The following SCAMP2 variants were observed in gnomAD, a reference collection of about 807,000 sequenced individuals.
The protein encoded by SCAMP2 is secretory carrier-associated membrane protein 2.
Under a neutral mutation model 44.1 loss-of-function variants are expected in SCAMP2, and 25 were observed. That is an observed-to-expected ratio of 0.57 (90% CI 0.41 to 0.79). The LOEUF is 0.79. SCAMP2 is among the 30% of genes least tolerant of loss of function. The probability of loss-of-function intolerance (pLI) is 0.00; values close to 1 mark genes in which losing one functional copy is unlikely to be tolerated. For synonymous variants in SCAMP2, 156 were observed against 166.0 expected, an observed-to-expected ratio of 0.94 and a Z score of 0.46; for missense variants, 355 against 411.0, an observed-to-expected ratio of 0.86 and a Z score of 1.18.
intron 1 of SCAMP2, among the ~76,000 whole-genome samples, chr15:74,854,964 T>C (rs989925335): frequency 4.7e-5 from 7 of 147,498 alleles, no homozygotes; most frequent in Non-Finnish European, 1.0e-4. Flanking sequence ...TATTTACCTC[T>C]AGGGAGTGGG....
intron 2 of SCAMP2, 112 bp downstream of exon 2, chr15:74,854,469 A>G (rs2064455276): frequency 2.2e-6 from 2 of 899,664 alleles, no homozygotes; most frequent in South Asian, 2.8e-5. Context: ...TGTCCCTTTG[A>G]GGACTGCCGC....
intron 1 of SCAMP2, among the ~76,000 whole-genome samples, chr15:74,861,700 C>T (rs1278425616): frequency 6.6e-6 from 1 of 151,752 alleles, no homozygotes; most frequent in African/African-American, 2.4e-5. Flanking sequence ...AGATCGAGAC[C>T]ATCCTGGCTA....
At chr15:74,849,404 C>T (rs1290352132) in intron 6 of SCAMP2, among the ~76,000 whole-genome samples, 3 of 151,870 alleles carry the variant, frequency 2.0e-5, no homozygotes, top group Non-Finnish European at 4.4e-5. Flanking sequence ...GCCGAGACTG[C>T]GCCATTGCAC....
At chr15:74,853,371 C>A (rs117037183) in intron 3 of SCAMP2, 1 of 456,040 alleles carries the variant, frequency 2.2e-6, no homozygotes, top group Non-Finnish European at 4.4e-6. Flanking sequence ...GGCCTACCTT[C>A]GGAAGCTTTC....
In SCAMP2 at chr15:74,852,135, C is replaced by T. The variant is rs778095048; in HGVS notation, c.277G>A (p.Asp93Asn). Residue 93 changes from aspartate to asparagine, a missense_variant, in exon 4 of 9, where the codon GAC becomes AAC. Asp to Asn is a conservative substitution (Grantham distance 23). Coordinates refer to ENST00000268099, the MANE Select transcript of SCAMP2 (RefSeq NM_005697.5). ...CGTTCCAGCTCGGCAGCTTTCCTGTCCAGTTCTTCCTGCTGCCGGAGCAGG... is the reference window on the plus strand; with the variant it reads ...CGTTCCAGCTCGGCAGCTTTCCTGTTCAGTTCTTCCTGCTGCCGGAGCAGG... ...AGLLRQQEELDRKAAELERKE... is the reference protein window; with the variant it reads ...AGLLRQQEELNRKAAELERKE... The T allele has an allele frequency of 1.5e-5, 24 of 1,589,090 alleles. No homozygotes were observed. The Admixed American group carries it at 4.0e-4, about 27-fold the overall frequency.
At chr15:74,848,749 C>A in intron 6 of SCAMP2, 48 bp from the exon 7 acceptor site, 2 of 1,342,828 alleles carry the variant, frequency 1.5e-6, no homozygotes, top group South Asian at 1.2e-5. Context: ...GGGCTGTGTT[C>A]CTCAGCATCC....
intron 3 of SCAMP2, 35 bp from the exon 4 acceptor site, chr15:74,852,221 A>T (rs546899974): frequency 7.1e-6 from 10 of 1,399,362 alleles, no homozygotes; most frequent in Admixed American, 5.2e-5. Context: ...GGACAGCCAG[A>T]CACAACAAAC....
At chr15:74,853,485 T>G (rs1195316522) in intron 3 of SCAMP2, 1 of 456,270 alleles carries the variant, frequency 2.2e-6, no homozygotes, top group East Asian at 6.9e-5. Flanking sequence ...TGCTGGCCTG[T>G]CTAAGCAGGA....
chr15:74,864,573 G>A (rs992658760), intron 1 of SCAMP2, among the ~76,000 whole-genome samples: 4 of 152,170 alleles, frequency 2.6e-5, no homozygotes, highest in Admixed American at 6.6e-5. Context: ...CAGCAGTGAA[G>A]GGAGTGCAAC....
At chr15:74,856,582 C>CTT (rs561034044) in intron 1 of SCAMP2, among the ~76,000 whole-genome samples, 2 of 138,104 alleles carry the variant, frequency 1.4e-5, no homozygotes, top group Admixed American at 1.4e-4. Flanking sequence ...GCCTCCAGTT[C>CTT]TTTTTTTTTT....
At chr15:74,847,194 T>C (rs1172329808) in intron 7 of SCAMP2, among the ~76,000 whole-genome samples, 2 of 145,854 alleles carry the variant, frequency 1.4e-5, no homozygotes, top group African/African-American at 5.0e-5. Flanking sequence ...CGGGTTCAAG[T>C]GATTCTTCTG....
chr15:74,873,345 C>T lies in SCAMP2; in HGVS notation c.-90G>A. ...GCGCTTCGTGTAGACCCTCCACTTC[C>T]GGGAGCGAGGCAGCGGTTCTGGCGC... On this transcript the variant is annotated 5_prime_UTR_variant, in exon 1 of 9. Transcript: ENST00000268099. The T allele has an allele frequency of 8.8e-7, 1 of 1,141,788 alleles. No homozygotes were observed. Among genetic ancestry groups the T allele is most frequent in the Non-Finnish European group, 1.2e-6 (1 of 869,066 alleles). The allele number at this position is 1,141,788 out of a possible 1,614,324, so 70.7% of individuals were successfully genotyped here.
intron 3 of SCAMP2, chr15:74,853,196 T>G (rs1185308766): frequency 6.1e-6 from 2 of 330,006 alleles, no homozygotes; most frequent in Non-Finnish European, 1.2e-5. Context: ...TCCAAGTCTG[T>G]GACGCCAGCT....
At chr15:74,871,874 G>A (rs997188145) in intron 1 of SCAMP2, among the ~76,000 whole-genome samples, 5 of 150,496 alleles carry the variant, frequency 3.3e-5, no homozygotes, top group Admixed American at 6.6e-5. Context: ...GTGAAACCCC[G>A]TCTCTACTAA....
intron 1 of SCAMP2, among the ~76,000 whole-genome samples, chr15:74,865,536 A>G (rs1218043041): frequency 1.3e-5 from 2 of 151,894 alleles, no homozygotes; most frequent in Non-Finnish European, 2.9e-5. Flanking sequence ...TAGCTGTGGA[A>G]TATTTCTGGT....
rs754524723 is a variant in SCAMP2 at position 74,845,331 on chromosome 15, C to G, written c.856-114G>C. ...AGAAGCCTGGCACTGCCTGACCCCC[C>G]ACCCAGATCCCTGGAGAAAGGTACT... On this transcript the variant is annotated intron_variant, in intron 8 of 8. Transcript: ENST00000268099. 3.6e-5 allele frequency: 57 copies of G among 1,576,590 alleles called. No homozygotes were observed. In the African/African-American group the frequency reaches 7.3e-4, roughly 20 times the overall value.
chr15:74,850,539 A>G lies in SCAMP2; in HGVS notation c.607T>C (p.Tyr203His). The change falls in exon 6 of 9, where the codon TAC becomes CAC. Residue 203 changes from tyrosine to histidine, a missense_variant. Transcript: ENST00000268099. ...IFTPCAFLCW[Y>H]RPIYKAFRSD... ...CTAAAGGCCTTATAGATGGGTCGGT[A>G]CCAACAAAGGAAGGCACAGGGAGTG... is the stretch of plus-strand genomic sequence containing the variant. The G allele has an allele frequency of 1.2e-6, 2 of 1,614,108 alleles. No homozygotes were observed. The highest frequency in any genetic ancestry group is 1.7e-6 in the Non-Finnish European group (2 of 1,179,968).
intron 1 of SCAMP2, among the ~76,000 whole-genome samples, chr15:74,865,743 G>T (rs1417785906): frequency 7.7e-6 from 1 of 130,364 alleles, no homozygotes; most frequent in Non-Finnish European, 1.5e-5. Context: ...GAATCCAGGA[G>T]TTCGAGACTA....
At chr15:74,847,338 C>T (rs2064406451) in intron 7 of SCAMP2, among the ~76,000 whole-genome samples, 1 of 152,194 alleles carries the variant, frequency 6.6e-6, no homozygotes, top group African/African-American at 2.4e-5. Context: ...AGGTGATCCA[C>T]CCGCCTTGGC....
Sources: gnomAD v4.1 joint callset for allele counts (sites outside exome capture counted in the v4.1 genomes callset) on GRCh38, gnomAD v4.1.1 for gene constraint, MANE v1.5 for transcripts, NCBI Gene and HGNC (gene_info 2026-07-23, HGNC 2026-07-21) for gene names.